Variants in ZNF618 observed in about 807,000 individuals in gnomAD.
The protein encoded by ZNF618 is zinc finger protein 618, also known as neural precursor cell expressed, developmentally down-regulated 10.
In ZNF618, 34 loss-of-function variants were observed where a neutral mutation model predicts 103.0. That is an observed-to-expected ratio of 0.33 (90% CI 0.25 to 0.44). ZNF618 has a LOEUF of 0.44. Among genes scored for constraint, ZNF618 ranks in the 20% least tolerant of loss-of-function variants. The pLI is 1.00. For synonymous variants in ZNF618, 551 were observed against 542.2 expected, an observed-to-expected ratio of 1.02 and a Z score of -0.23; for missense variants, 1,059 against 1,295.4, an observed-to-expected ratio of 0.82 and a Z score of 2.80.
intron 6 of ZNF618, among the ~76,000 whole-genome samples, chr9:114,006,600 C>G (rs887505597): frequency 2.0e-5 from 3 of 152,180 alleles, no homozygotes; most frequent in African/African-American, 7.2e-5. Context: ...ACAGATGTCC[C>G]TAAAACTTAA....
At chr9:114,045,135 A>C (rs1845544394) in intron 13 of ZNF618, among the ~76,000 whole-genome samples, 1 of 151,966 alleles carries the variant, frequency 6.6e-6, no homozygotes, top group Non-Finnish European at 1.5e-5. Flanking sequence ...TTATTTGCAA[A>C]TATCTTTCCC....
intron 2 of ZNF618, among the ~76,000 whole-genome samples, chr9:113,976,174 G>A (rs1179817121): frequency 2.6e-5 from 4 of 152,218 alleles, no homozygotes; most frequent in African/African-American, 9.6e-5. Flanking sequence ...TCCGTGAGTT[G>A]TTTGTGCCAA....
At chr9:113,973,879 G>A (rs1445834407) in intron 2 of ZNF618, among the ~76,000 whole-genome samples, 2 of 152,194 alleles carry the variant, frequency 1.3e-5, no homozygotes, top group Non-Finnish European at 2.9e-5. Context: ...GGTAGAAGAG[G>A]TTAAAGGGCT....
rs62620240 is a variant in ZNF618 at position 114,049,059 on chromosome 9, C to T, written c.1757C>T (p.Ala586Val). 1.1e-3 allele frequency: 1,746 copies of T among 1,613,880 alleles called. 3 individuals are homozygous for T. Among genetic ancestry groups the T allele is most frequent in the Non-Finnish European group, 1.4e-3 (1,614 of 1,179,902 alleles). ...AGCTATGTGCTTGGTGTGAAGGGTG[C>T]GGACATTCGCGACAGCGGTGACCTT... ...IKSYVLGVKG[A>V]DIRDSGDLVH... Residue 586 changes from alanine to valine, a missense_variant, in exon 15 of 15, where the codon GCG becomes GTG. By Grantham distance (64) the Ala-to-Val change is moderately conservative. Around this residue, in one of 6 missense-constraint regions of ZNF618, gnomAD observed 272 missense variants for 380.1 expected, o/e 0.72. Coordinates refer to ENST00000374126, the MANE Select transcript of ZNF618 (RefSeq NM_001318042.2).
rs113818098 is a variant in ZNF618 at position 113,884,438 on chromosome 9, T to A, written c.33+8025T>A. On this transcript the variant is annotated intron_variant, in intron 1 of 14. Coordinates refer to ENST00000374126, the MANE Select transcript of ZNF618 (RefSeq NM_001318042.2). ...ATGCATAGGGTTCTTGTGAAAGTTGTGAGAGATGTAAGAAAAAAGTTTTGT... is the reference window on the plus strand; with the variant it reads ...ATGCATAGGGTTCTTGTGAAAGTTGAGAGAGATGTAAGAAAAAAGTTTTGT... Among the ~76,000 whole-genome samples, 420 of 152,338 alleles carry A rather than the reference T, an allele frequency of 2.8e-3. 2 individuals are homozygous for A. The highest frequency in any genetic ancestry group is 0.01 in the Middle Eastern group (3 of 294).
At chr9:113,996,782 C>T (rs113767130) in intron 3 of ZNF618, among the ~76,000 whole-genome samples, 1 of 152,160 alleles carries the variant, frequency 6.6e-6, no homozygotes, top group Admixed American at 6.5e-5. Context: ...TGTGGCAGCA[C>T]CAGACATAGT....
chr9:114,043,998 GT>G (rs2134536690), intron 13 of ZNF618, among the ~76,000 whole-genome samples: 1 of 152,272 alleles, frequency 6.6e-6, no homozygotes, highest in African/African-American at 2.4e-5. Flanking sequence ...CACTCTATGG[GT>G]TATCTGTTTA....
intron 10 of ZNF618, chr9:114,028,466 C>T (rs1228664995): frequency 2.9e-5 from 15 of 521,678 alleles, no homozygotes; most frequent in Non-Finnish European, 5.1e-5. Context: ...CCAGTCAGTC[C>T]AGAGACTGGG....
intron 1 of ZNF618, among the ~76,000 whole-genome samples, chr9:113,930,677 A>G (rs886143548): frequency 1.1e-4 from 16 of 152,214 alleles, no homozygotes; most frequent in Non-Finnish European, 1.9e-4. Context: ...GTTTGACAAG[A>G]AGGTGCCTAG....
At chr9:113,915,046 AG>A (rs1831941858) in intron 1 of ZNF618, among the ~76,000 whole-genome samples, 1 of 152,218 alleles carries the variant, frequency 6.6e-6, no homozygotes, top group Non-Finnish European at 1.5e-5. Flanking sequence ...TTAACTATAG[AG>A]GGAAAATCTT....
At chr9:113,888,632 G>A (rs565016076) in intron 1 of ZNF618, among the ~76,000 whole-genome samples, 15 of 152,348 alleles carry the variant, frequency 9.8e-5, no homozygotes, top group Non-Finnish European at 1.5e-5. Flanking sequence ...GTAACAGGCC[G>A]TGAGAGGTGG....
At chr9:113,996,832 A>G (rs1840649891) in intron 3 of ZNF618, among the ~76,000 whole-genome samples, 1 of 152,166 alleles carries the variant, frequency 6.6e-6, no homozygotes, top group Non-Finnish European at 1.5e-5. Flanking sequence ...GGAAAGTGCC[A>G]TGACTGAAAG....
intron 6 of ZNF618, among the ~76,000 whole-genome samples, chr9:114,005,792 T>C (rs1841694906): frequency 6.6e-6 from 1 of 152,158 alleles, no homozygotes; most frequent in South Asian, 2.1e-4. Context: ...GATTAAAGCC[T>C]GGGCCAGGCA....
At chr9:114,046,140 A>C (rs1011481713) in intron 13 of ZNF618, among the ~76,000 whole-genome samples, 1 of 152,118 alleles carries the variant, frequency 6.6e-6, no homozygotes, top group Non-Finnish European at 1.5e-5. Flanking sequence ...AAGATTTTCT[A>C]TATACACAAT....
Position 114,050,079 on chromosome 9 carries a change from G to A in ZNF618, c.2777G>A (p.Cys926Tyr). 1 of 1,612,810 alleles carries A rather than the reference G, an allele frequency of 6.2e-7. No individual in the cohort carries two copies. The highest frequency in any genetic ancestry group is 8.5e-7 in the Non-Finnish European group (1 of 1,179,716). Residue 926 changes from cysteine (C) to tyrosine (Y), a missense_variant, in exon 15 of 15, where the codon TGT (cysteine) becomes TAT (tyrosine). By Grantham distance (194) the Cys-to-Tyr change is radical. Transcript: ENST00000374126. The stretch of plus-strand genomic sequence containing the variant: ...GCCAGAAGCGGGTGTGTAAATATGT[G>A]TGAACAAGCGCTTCTAATCAAACGG... ...VGARSGCVNM[C>Y]EQALLIKRRR...
At chr9:113,889,907 A>T (rs1239123952) in intron 1 of ZNF618, among the ~76,000 whole-genome samples, 1 of 152,320 alleles carries the variant, frequency 6.6e-6, no homozygotes, top group South Asian at 2.1e-4. Context: ...ACTAATGTTG[A>T]TTGAGAACCT....
intron 1 of ZNF618, among the ~76,000 whole-genome samples, chr9:113,890,801 A>G (rs1184672609): frequency 2.0e-5 from 3 of 152,188 alleles, no homozygotes; most frequent in Non-Finnish European, 4.4e-5. Context: ...TGATGGCCTG[A>G]TGGGCAAACT....
intron 1 of ZNF618, among the ~76,000 whole-genome samples, chr9:113,962,806 C>T (rs1418702940): frequency 6.6e-6 from 1 of 152,176 alleles, no homozygotes; most frequent in Admixed American, 6.5e-5. Flanking sequence ...TCATGACTCC[C>T]CCGCCTCCCC....
intron 1 of ZNF618, among the ~76,000 whole-genome samples, chr9:113,895,677 G>T (rs1365747609): frequency 6.6e-6 from 1 of 152,142 alleles, no homozygotes; most frequent in Non-Finnish European, 1.5e-5. Context: ...CTGAGGCCTT[G>T]TCATGTGTAA....
Sources: gnomAD v4.1 joint callset for allele counts (sites outside exome capture counted in the v4.1 genomes callset) on GRCh38, gnomAD v4.1.1 for gene constraint, gnomAD v4.1.1 regional missense constraint, MANE v1.5 for transcripts, NCBI Gene and HGNC (gene_info 2026-07-23, HGNC 2026-07-21) for gene names.